The following HDAC8 variants were observed in gnomAD, a reference collection of about 807,000 sequenced individuals.
HDAC8 encodes histone deacetylase 8.
Under a neutral mutation model 32.2 loss-of-function variants are expected in HDAC8, and 1 was observed. The ratio of observed to expected loss-of-function variants is 0.03; its 90% CI spans 0.01 to 0.15. The LOEUF is 0.15. Among genes scored for constraint, HDAC8 ranks in the 10% least tolerant of loss-of-function variants. The probability of loss-of-function intolerance (pLI) is 1.00; values close to 1 mark genes in which losing one functional copy is unlikely to be tolerated. For missense variants in HDAC8, 117 were observed against 300.0 expected, an observed-to-expected ratio of 0.39 and a Z score of 4.51; for synonymous variants, 108 against 113.9, an observed-to-expected ratio of 0.95 and a Z score of 0.33.
chrX:72,567,983 T>C lies in HDAC8; in HGVS notation c.343A>G (p.Ile115Val). The change falls in exon 4 of 11, where the codon ATA (isoleucine) becomes GTA (valine). Residue 115 changes from isoleucine to valine, a missense_variant. Coordinates refer to ENST00000373573, the MANE Select transcript of HDAC8 (RefSeq NM_018486.3). ...TEGIFDYAAA[I>V]GGATITAAQC... ...GCAGCTGTGATCGTAGCCCCTCCTATAGCTGCTGCATAGTCAAATATCCCT... is the reference window on the plus strand; with the variant it reads ...GCAGCTGTGATCGTAGCCCCTCCTACAGCTGCTGCATAGTCAAATATCCCT... 9.1e-6 allele frequency: 11 copies of C among 1,211,542 alleles called. No individual in the cohort carries two copies. Among genetic ancestry groups the C allele is most frequent in the Non-Finnish European group, 1.2e-5 (11 of 895,474 alleles).
At chrX:72,393,361 T>A (rs1187738851) in intron 9 of HDAC8, among the ~76,000 whole-genome samples, 1 of 111,691 alleles carries the variant, frequency 9.0e-6, no homozygotes, top group Non-Finnish European at 1.9e-5. Flanking sequence ...ACCAGATGTG[T>A]CTAAAATGTT....
intron 3 of HDAC8, 114 bp from the exon 4 acceptor site, chrX:72,568,144 T>C (rs1235763541): frequency 3.4e-6 from 2 of 586,004 alleles, no homozygotes; most frequent in Non-Finnish European, 5.5e-6. Flanking sequence ...TAATATCAGC[T>C]CCAACTGAGA....
At chrX:72,334,949 G>A (rs947581483) in intron 10 of HDAC8, among the ~76,000 whole-genome samples, 3 of 112,194 alleles carry the variant, frequency 2.7e-5, no homozygotes, top group Non-Finnish European at 3.8e-5. Flanking sequence ...CATTTATGGC[G>A]TGTCTACTCT....
chrX:72,461,324 T>G (rs2047862004), intron 9 of HDAC8, among the ~76,000 whole-genome samples: 1 of 111,900 alleles, frequency 8.9e-6, no homozygotes, highest in East Asian at 2.8e-4. Context: ...GGATTAGGGA[T>G]TATCAGCACA....
chrX:72,512,669 ACGTTGCAGAG>A (rs1270451798), intron 4 of HDAC8, among the ~76,000 whole-genome samples: 34 of 110,882 alleles, frequency 3.1e-4, no homozygotes, highest in African/African-American at 1.0e-3. Flanking sequence ...AGTTGGCCAA[ACGTTGCAGAG>A]CGTTGCAGAG....
chrX:72,542,829 C>T (rs1556044551), intron 4 of HDAC8, among the ~76,000 whole-genome samples: 1 of 112,424 alleles, frequency 8.9e-6, no homozygotes, highest in African/African-American at 3.2e-5. Context: ...TGATGTCTCA[C>T]ACCTGAATGA....
At chrX:72,344,212 CT>C (rs1291300746) in intron 10 of HDAC8, among the ~76,000 whole-genome samples, 8 of 108,609 alleles carry the variant, frequency 7.4e-5, no homozygotes, top group Non-Finnish European at 1.2e-4. Flanking sequence ...GCATGTATTA[CT>C]TTTTTTTTTC....
chrX:72,555,066 A>G (rs190930765), intron 4 of HDAC8, among the ~76,000 whole-genome samples: 1 of 112,366 alleles, frequency 8.9e-6, no homozygotes, highest in East Asian at 2.8e-4. Context: ...GACAGATCAC[A>G]TCACAGCACT....
chrX:72,358,163 C>T (rs1555951399), intron 9 of HDAC8, among the ~76,000 whole-genome samples: 1 of 110,976 alleles, frequency 9.0e-6, no homozygotes, highest in African/African-American at 3.3e-5. Flanking sequence ...GTGATCCGCT[C>T]GCCTCAGCCT....
intron 9 of HDAC8, among the ~76,000 whole-genome samples, chrX:72,409,810 G>A (rs2046144681): frequency 8.9e-6 from 1 of 112,122 alleles, no homozygotes; most frequent in Non-Finnish European, 1.9e-5. Flanking sequence ...TGATTATTTG[G>A]TTACAGGTCT....
At chrX:72,367,962 C>G (rs1367920379) in intron 9 of HDAC8, among the ~76,000 whole-genome samples, 1 of 112,971 alleles carries the variant, frequency 8.9e-6, no homozygotes, top group Non-Finnish European at 1.9e-5. Flanking sequence ...ATAGAATGAA[C>G]AAAATGAAAT....
chrX:72,558,665 C>A (rs1482631507), intron 4 of HDAC8, among the ~76,000 whole-genome samples: 9 of 111,080 alleles, frequency 8.1e-5, no homozygotes, highest in African/African-American at 3.0e-4. Context: ...AAGCATTCCC[C>A]CCAAGAACTG....
chrX:72,543,907 A>G (rs1305481455), intron 4 of HDAC8, among the ~76,000 whole-genome samples: 1 of 112,799 alleles, frequency 8.9e-6, no homozygotes, highest in Non-Finnish European at 1.9e-5. Context: ...AGATCCTATT[A>G]GAATGGGGCA....
chrX:72,561,539 T>C (rs782004636), intron 4 of HDAC8, among the ~76,000 whole-genome samples: 19 of 112,531 alleles, frequency 1.7e-4, no homozygotes, highest in African/African-American at 6.1e-4. Flanking sequence ...CAACTCGAGA[T>C]GGATCAAAGA....
At chrX:72,444,092 A>C (rs1602881200) in intron 9 of HDAC8, among the ~76,000 whole-genome samples, 1 of 109,985 alleles carries the variant, frequency 9.1e-6, no homozygotes, top group East Asian at 2.9e-4. Context: ...TTCACAGCTG[A>C]ATTCCACCAG....
intron 10 of HDAC8, among the ~76,000 whole-genome samples, chrX:72,350,264 C>A: frequency 9.0e-6 from 1 of 111,476 alleles, no homozygotes. Flanking sequence ...TCAGAGGGGA[C>A]AATCAGCAAT....
intron 9 of HDAC8, among the ~76,000 whole-genome samples, chrX:72,366,377 T>A (rs1010362457): frequency 8.9e-6 from 1 of 111,739 alleles, no homozygotes; most frequent in Non-Finnish European, 1.9e-5. Context: ...ACCTGAAGTG[T>A]CTCTCCCCAC....
chrX:72,571,729 G>A (rs1280352644), intron 2 of HDAC8, among the ~76,000 whole-genome samples: 1 of 108,399 alleles, frequency 9.2e-6, no homozygotes, highest in Admixed American at 9.9e-5. Context: ...ACCACGTCCG[G>A]CTAATTTTTT....
At chrX:72,497,262 C>T (rs1556013742) in intron 4 of HDAC8, among the ~76,000 whole-genome samples, 2 of 111,408 alleles carry the variant, frequency 1.8e-5, no homozygotes, top group African/African-American at 6.5e-5. Context: ...CATTTTTCTA[C>T]CTCTGGATAG....
Sources: allele counts gnomAD v4.1 joint callset (sites outside exome capture counted in the v4.1 genomes callset), GRCh38; gene constraint gnomAD v4.1.1; transcripts MANE v1.5; gene names NCBI Gene and HGNC (gene_info 2026-07-23, HGNC 2026-07-21).